GBF1: variants seen among roughly 807,000 people sequenced by gnomAD.
GBF1 encodes the protein Golgi-specific brefeldin A-resistance guanine nucleotide exchange factor 1.
In GBF1, 114 loss-of-function variants were observed where a neutral mutation model predicts 210.5. The observed-to-expected ratio is 0.54, with a 90% confidence interval of 0.47 to 0.63. The LOEUF is 0.63. Ranked by LOEUF, GBF1 falls within the 30% of genes least tolerant of loss-of-function variation. GBF1 has a pLI of 0.00. For synonymous variants in GBF1, 850 were observed against 889.2 expected, an observed-to-expected ratio of 0.96 and a Z score of 0.78; for missense variants, 1,851 against 2,357.7, an observed-to-expected ratio of 0.79 and a Z score of 4.45.
intron 3 of GBF1, among the ~76,000 whole-genome samples, chr10:102,289,863 T>A (rs2076287082): frequency 6.6e-6 from 1 of 152,130 alleles, no homozygotes. Flanking sequence ...ATTCCAGCAC[T>A]TTGAGAGAGG....
At chr10:102,254,997 G>C (rs1178831770) in intron 1 of GBF1, among the ~76,000 whole-genome samples, 2 of 152,050 alleles carry the variant, frequency 1.3e-5, no homozygotes, top group Non-Finnish European at 2.9e-5. Context: ...AAGGAGATTA[G>C]GCAGCTCTGC....
Position 102,359,279 on chromosome 10 carries a change from C to T in GBF1, c.1024C>T (p.His342Tyr), listed in dbSNP as rs765154325. Reference protein sequence around the residue: ...EQPDLQQEGTHVEKSQSASVE... With the variant: ...EQPDLQQEGTYVEKSQSASVE... ...CTACTGGTCATAGCAGGAAGGGACC[C>T]ATGTGGAAAAGTCCCAGTCAGCATC... Residue 342 changes from histidine (H) to tyrosine (Y), a missense_variant, in exon 11 of 40, where the codon CAT (histidine) becomes TAT (tyrosine). By Grantham distance (83) the His-to-Tyr change is moderately conservative. Transcript: ENST00000369983. 6.2e-6 allele frequency: 10 copies of T among 1,611,028 alleles called. No homozygotes were observed. The South Asian group carries it at 7.7e-5, about 12-fold the overall frequency.
intron 1 of GBF1, among the ~76,000 whole-genome samples, chr10:102,252,934 G>T (rs1039378927): frequency 4.6e-5 from 7 of 151,912 alleles, no homozygotes; most frequent in Non-Finnish European, 8.8e-5. Context: ...TTGCTCTGCT[G>T]CCCAGGCTGG....
intron 1 of GBF1, among the ~76,000 whole-genome samples, chr10:102,248,278 C>CTT (rs202223133): frequency 1.4e-5 from 2 of 141,356 alleles, no homozygotes; most frequent in Admixed American, 7.1e-5. Flanking sequence ...AGCTGTTACT[C>CTT]TTTTTTTTTT....
upstream of GBF1, among the ~76,000 whole-genome samples, chr10:102,242,096 C>T (rs1207939438): frequency 6.6e-6 from 1 of 152,242 alleles, no homozygotes; most frequent in Non-Finnish European, 1.5e-5. Flanking sequence ...TCCTCTGCCA[C>T]TTTAAAAGAC....
chr10:102,290,765 A>G (rs1405236683), intron 3 of GBF1, among the ~76,000 whole-genome samples: 1 of 152,162 alleles, frequency 6.6e-6, no homozygotes, highest in African/African-American at 2.4e-5. Flanking sequence ...TGAGCCTCCC[A>G]AAGTGTTGGG....
chr10:102,256,023 G>A (rs535111396), intron 1 of GBF1, among the ~76,000 whole-genome samples: 8 of 152,146 alleles, frequency 5.3e-5, no homozygotes, highest in African/African-American at 1.4e-4. Flanking sequence ...GCGGTTCACC[G>A]CAGCCTCAAT....
intron 3 of GBF1, among the ~76,000 whole-genome samples, chr10:102,264,536 T>A (rs538556290): frequency 6.6e-6 from 1 of 152,314 alleles, no homozygotes; most frequent in East Asian, 1.9e-4. Flanking sequence ...CCATCTTCCC[T>A]CTCTTGCTCT....
chr10:102,281,536 A>G lies in GBF1; in HGVS notation c.163+21420A>G, dbSNP rs532228854. On this transcript the variant is annotated intron_variant, in intron 3 of 39. Transcript: ENST00000369983. ...TAAAGCACATAAATTATAATCTATAAATTATATTTTTATAAATTATCTATA... is the reference window on the plus strand; with the variant it reads ...TAAAGCACATAAATTATAATCTATAGATTATATTTTTATAAATTATCTATA... 1.2e-4 allele frequency among the ~76,000 whole-genome samples: 18 copies of G among 149,824 alleles called. No homozygotes were observed. The South Asian group carries it at 3.5e-3, about 30-fold the overall frequency.
intron 21 of GBF1, 120 bp downstream of exon 21, chr10:102,367,680 G>A (rs1195418835): frequency 5.6e-6 from 4 of 708,026 alleles, no homozygotes; most frequent in Admixed American, 2.1e-5. Flanking sequence ...TTAGCCTCAG[G>A]ACTTAGTTGG....
chr10:102,247,356 G>A (rs2070974009), intron 1 of GBF1, among the ~76,000 whole-genome samples: 1 of 152,164 alleles, frequency 6.6e-6, no homozygotes, highest in Non-Finnish European at 1.5e-5. Flanking sequence ...AAATGGTACA[G>A]GAAACTATTT....
chr10:102,231,252 G>T, the GBF1 span: 1 of 821,306 alleles, frequency 1.2e-6, no homozygotes, highest in Non-Finnish European at 1.8e-6. Context: ...GGAGCGCACG[G>T]AGTCCGGGGT....
rs190107790 is a variant in GBF1 at position 102,292,660 on chromosome 10, G to A, written c.163+32544G>A. Among the ~76,000 whole-genome samples the A allele has an allele frequency of 3.3e-5, 5 of 152,290 alleles. No individual in the cohort carries two copies. In the East Asian group the frequency reaches 9.6e-4, roughly 29 times the overall value. On this transcript the variant is annotated intron_variant, in intron 3 of 39. Coordinates refer to ENST00000369983, the MANE Select transcript of GBF1 (RefSeq NM_001377137.1). ...TGGGATTGCAGGCATGAGCCACTAT[G>A]CCTGGCTCAAATGATCTCTAAAGTC...
In GBF1 at chr10:102,379,844, C is replaced by T; in HGVS notation, c.4777-9C>T. 2 of 1,600,860 alleles carry T rather than the reference C, an allele frequency of 1.2e-6. No homozygotes were observed. Among genetic ancestry groups the T allele is most frequent in the East Asian group, 2.2e-5 (1 of 44,814 alleles). On this transcript the variant is annotated splice_polypyrimidine_tract_variant and intron_variant, in intron 35 of 39. Transcript: ENST00000369983. ...TCATAGGGAGACATTGCACATTTAC[C>T]CCCACCAGGTGCTGTTTCCTCTACT...
intron 3 of GBF1, among the ~76,000 whole-genome samples, chr10:102,268,253 C>T (rs2074063551): frequency 6.6e-6 from 1 of 152,214 alleles, no homozygotes. Context: ...CTCTTTTTCT[C>T]TTCCTCATAC....
At chr10:102,371,010 G>T in intron 29 of GBF1, 150 bp downstream of exon 29, 1 of 762,422 alleles carries the variant, frequency 1.3e-6, no homozygotes, top group South Asian at 1.8e-5. Context: ...CAGTCTAGCG[G>T]GTGGTACTGG....
chr10:102,287,355 T>A lies in GBF1; in HGVS notation c.163+27239T>A, dbSNP rs1268876211. Among the ~76,000 whole-genome samples, 343 of 134,756 alleles carry A rather than the reference T, an allele frequency of 2.5e-3. 1 individual carries two copies. The highest frequency in any genetic ancestry group is 7.1e-3 in the African/African-American group (252 of 35,586). The allele number at this position is 134,756 out of a possible 152,430, so 88.4% of individuals were successfully genotyped here. A position where few individuals can be genotyped will look rare whatever the true frequency, so the allele number is the denominator to read the frequency against. Reference sequence around the variant, plus strand: ...TTTTATTTTATTTTCTTTTTTTTTTTTTTTTTTTTTTTTTTTGAGATGAGG... The same window carrying A: ...TTTTATTTTATTTTCTTTTTTTTTTATTTTTTTTTTTTTTTTGAGATGAGG... On this transcript the variant is annotated intron_variant, in intron 3 of 39. Coordinates refer to ENST00000369983, the MANE Select transcript of GBF1 (RefSeq NM_001377137.1).
At chr10:102,312,471 C>CCTTG (rs2078549980) in intron 3 of GBF1, among the ~76,000 whole-genome samples, 1 of 152,044 alleles carries the variant, frequency 6.6e-6, no homozygotes, top group African/African-American at 2.4e-5. Context: ...GGCACCCAGC[C>CCTTG]CTTGGTTCAC....
At chr10:102,332,785 T>G (rs1203382016) in intron 3 of GBF1, among the ~76,000 whole-genome samples, 1 of 152,210 alleles carries the variant, frequency 6.6e-6, no homozygotes, top group African/African-American at 2.4e-5. Flanking sequence ...CAGCAATGAT[T>G]AAGCCATAAT....
Sources: allele counts gnomAD v4.1 joint callset (sites outside exome capture counted in the v4.1 genomes callset), GRCh38; gene constraint gnomAD v4.1.1; transcripts MANE v1.5; gene names NCBI Gene and HGNC (gene_info 2026-07-23, HGNC 2026-07-21).